PTK2B: variants seen among roughly 807,000 people sequenced by gnomAD.
The protein encoded by PTK2B is protein tyrosine kinase 2 beta.
Under a neutral mutation model 142.9 loss-of-function variants are expected in PTK2B, and 71 were observed. The ratio of observed to expected loss-of-function variants is 0.50; its 90% CI spans 0.41 to 0.61. The LOEUF (loss-of-function observed/expected upper bound fraction) is 0.61. PTK2B is among the 20% of genes least tolerant of loss of function. The probability of loss-of-function intolerance (pLI) is 0.00; values close to 1 mark genes in which losing one functional copy is unlikely to be tolerated. For missense variants in PTK2B, 1,105 were observed against 1,320.4 expected (o/e 0.84, Z 2.53); for synonymous variants, 519 against 503.4 (o/e 1.03, Z -0.42).
Position 27,420,835 on chromosome 8 carries a change from A to C in PTK2B, c.471+91A>C, listed in dbSNP as rs575569464. On this transcript the variant is annotated intron_variant, in intron 4 of 30. Coordinates refer to ENST00000346049, the MANE Select transcript of PTK2B (RefSeq NM_173176.3). ...TTCTCTCCTAGGGAGATGGAAAGAC[A>C]AAGCCCAGATTATGGAGGGCCCAGG... 9.5e-5 allele frequency: 118 copies of C among 1,245,638 alleles called. No homozygotes were observed. In the African/African-American group the frequency reaches 1.6e-3, roughly 17 times the overall value. The allele number at this position is 1,245,638 out of a possible 1,614,324, so 77.2% of individuals were successfully genotyped here.
intron 1 of PTK2B, among the ~76,000 whole-genome samples, chr8:27,348,589 G>A (rs1804855103): frequency 6.6e-6 from 1 of 152,162 alleles, no homozygotes; most frequent in South Asian, 2.1e-4. Context: ...ACAGTTCCCT[G>A]GTTCTCTTTG....
intron 24 of PTK2B, among the ~76,000 whole-genome samples, chr8:27,450,100 C>T (rs1485495963): frequency 6.6e-6 from 1 of 152,054 alleles, no homozygotes; most frequent in Non-Finnish European, 1.5e-5. Context: ...GTTAAATAAC[C>T]CAAGCTATTA....
chr8:27,436,347 A>C lies in PTK2B; in HGVS notation c.1340A>C (p.His447Pro). The change falls in exon 15 of 31, where the codon CAC (histidine) becomes CCC (proline). Residue 447 changes from histidine (H) to proline (P), a missense_variant and splice_region_variant. Transcript: ENST00000346049. Reference protein sequence around the residue: ...GEVYEGVYTNHKGEKINVAVK... With the variant: ...GEVYEGVYTNPKGEKINVAVK... The stretch of plus-strand genomic sequence containing the variant: ...GTCTATGAAGGTGTCTACACAAATC[A>C]CGTGAGTTCTAGGATCTTCCCTTAC... 6.2e-7 allele frequency: 1 copy of C among 1,610,204 alleles called. No homozygotes were observed. Among genetic ancestry groups the C allele is most frequent in the Non-Finnish European group, 8.5e-7 (1 of 1,176,424 alleles).
At chr8:27,441,657 A>T (rs1005031886) in intron 21 of PTK2B, among the ~76,000 whole-genome samples, 18 of 152,220 alleles carry the variant, frequency 1.2e-4, no homozygotes, top group African/African-American at 4.3e-4. Context: ...CTTAAAAGGC[A>T]TCTCTGTTCC....
rs1055599526 is a variant in PTK2B at position 27,363,147 on chromosome 8, CTG to C, written c.-37-34399_-37-34398del. 8.5e-5 allele frequency among the ~76,000 whole-genome samples: 13 copies of C among 152,348 alleles called. No homozygotes were observed. Among genetic ancestry groups the C allele is most frequent in the African/African-American group, 2.9e-4 (12 of 41,582 alleles). On this transcript the variant is annotated intron_variant, in intron 1 of 30. Transcript: ENST00000346049. This position sits in a 1 kb window ranked among gnomAD's most constrained non-coding sequence, Gnocchi z 4.3. ...GGACTAGGACAAGGGCCAGCCCATC[CTG>C]TCAGGCCAGAGCACTTCTGTGGTCT...
At chr8:27,312,713 G>A (rs1803005308) in intron 2 of PTK2B, among the ~76,000 whole-genome samples, 1 of 152,080 alleles carries the variant, frequency 6.6e-6, no homozygotes, top group Non-Finnish European at 1.5e-5. Context: ...TTTCCCCAAG[G>A]CAGGTCATAG....
rs765126941 is a variant in PTK2B at position 27,450,871 on chromosome 8, G to A, written c.2463G>A (p.Trp821Ter). Residue 821 changes from tryptophan (W) to a stop codon, truncating the protein, a stop_gained, in exon 25 of 31, where the codon TGG (tryptophan) becomes TGA (stop). Coordinates refer to ENST00000346049, the MANE Select transcript of PTK2B (RefSeq NM_173176.3). LOFTEE classifies it high-confidence loss of function. ...QQKQMVEDYQWLRQEEKSLDP... is the reference protein window; with the variant it reads ...QQKQMVEDYQ The stretch of plus-strand genomic sequence containing the variant: ...AGCAGATGGTGGAGGACTACCAGTG[G>A]CTCAGGCAGGAGGAGAAGTCCCTGG... The A allele has an allele frequency of 1.2e-6, 2 of 1,614,218 alleles. No homozygotes were observed. The highest frequency in any genetic ancestry group is 1.7e-6 in the Non-Finnish European group (2 of 1,180,020).
chr8:27,408,284 A>G (rs1238694104), intron 2 of PTK2B, among the ~76,000 whole-genome samples: 1 of 152,176 alleles, frequency 6.6e-6, no homozygotes, highest in Non-Finnish European at 1.5e-5. Context: ...TCTGACCTAC[A>G]TTGTTGGACT....
chr8:27,368,514 C>T (rs993505209), intron 1 of PTK2B, among the ~76,000 whole-genome samples: 1 of 152,220 alleles, frequency 6.6e-6, no homozygotes, highest in Non-Finnish European at 1.5e-5. Flanking sequence ...TCTCCCTCCC[C>T]TATTGGAATA....
chr8:27,398,601 G>A (rs1280581774), intron 2 of PTK2B, among the ~76,000 whole-genome samples: 1 of 152,202 alleles, frequency 6.6e-6, no homozygotes, highest in South Asian at 2.1e-4. Context: ...TCTGCCCAGA[G>A]CACCCCTTTC....
intron 1 of PTK2B, among the ~76,000 whole-genome samples, chr8:27,385,129 CA>C (rs201113978): frequency 0.015 from 2,352 of 152,270 alleles, 28 homozygotes; most frequent in South Asian, 0.054. Context: ...ATCCATGGGA[CA>C]GGGGGTAATG....
chr8:27,365,064 C>G (rs989155966), intron 1 of PTK2B, among the ~76,000 whole-genome samples: 2 of 152,178 alleles, frequency 1.3e-5, no homozygotes, highest in African/African-American at 4.8e-5. Flanking sequence ...GCTTTCAACC[C>G]ACGTCTTCTT....
intron 1 of PTK2B, among the ~76,000 whole-genome samples, chr8:27,329,885 A>T (rs1205127610): frequency 6.6e-6 from 1 of 152,118 alleles, no homozygotes; most frequent in Non-Finnish European, 1.5e-5. Flanking sequence ...GGAGACAATA[A>T]CAGGGCTTTG....
intron 2 of PTK2B, among the ~76,000 whole-genome samples, chr8:27,404,917 T>C (rs770144517): frequency 3.3e-5 from 5 of 152,030 alleles, no homozygotes; most frequent in Non-Finnish European, 7.4e-5. Context: ...TGAAAGGTAA[T>C]TGGGCTTAGG....
At chr8:27,362,092 C>T (rs1034179328) in intron 1 of PTK2B, among the ~76,000 whole-genome samples, 1 of 152,144 alleles carries the variant, frequency 6.6e-6, no homozygotes, top group South Asian at 2.1e-4. Flanking sequence ...GGACACAAAT[C>T]GCTGACCTGT....
At chr8:27,311,671 C>T (rs1240205748) in exon 1 of PTK2B, 1 of 187,540 alleles carries the variant, frequency 5.3e-6, no homozygotes, top group African/African-American at 2.3e-5. Flanking sequence ...GAGATGCCAA[C>T]TTCCTGCTTC....
chr8:27,422,452 A>G (rs1809821522), intron 5 of PTK2B, 69 bp downstream of exon 5: 2 of 1,328,284 alleles, frequency 1.5e-6, no homozygotes, highest in African/African-American at 1.5e-5. Context: ...ACCTTTCCCC[A>G]TGTCCAAGAT....
At chr8:27,373,913 C>T (rs1175385573) in intron 1 of PTK2B, among the ~76,000 whole-genome samples, 1 of 151,884 alleles carries the variant, frequency 6.6e-6, no homozygotes, top group Non-Finnish European at 1.5e-5. Flanking sequence ...GAAGAAAAGC[C>T]TCTAGGGAAC....
chr8:27,455,333 G>A (rs1426437570), intron 30 of PTK2B, among the ~76,000 whole-genome samples: 1 of 152,088 alleles, frequency 6.6e-6, no homozygotes, highest in South Asian at 2.1e-4. Context: ...GGAGGCCAAG[G>A]CAGGTGAATT....
Sources: gnomAD v4.1 joint callset for allele counts (sites outside exome capture counted in the v4.1 genomes callset) on GRCh38, gnomAD v4.1.1 for gene constraint, Gnocchi (gnomAD v3.1) non-coding constraint, MANE v1.5 for transcripts, NCBI Gene and HGNC (gene_info 2026-07-23, HGNC 2026-07-21) for gene names.